Variants in STKLD1 observed in about 807,000 individuals in gnomAD.
The protein encoded by STKLD1 is serine/threonine kinase like domain containing 1, also known as serine/threonine kinase-like domain-containing protein STKLD1.
A neutral mutation model predicts 80.4 loss-of-function variants in STKLD1; 79 were observed. That is an observed-to-expected ratio of 0.98 (90% confidence interval 0.82 to 1.19). STKLD1 has a LOEUF of 1.19. Ranked by LOEUF, STKLD1 falls within the 50% of genes most tolerant of loss-of-function variation. STKLD1 has a pLI of 0.00. For synonymous variants in STKLD1, 393 were observed against 357.6 expected (o/e 1.10, Z -1.12); for missense variants, 841 against 856.0 (o/e 0.98, Z 0.22).
rs200125223 is a variant in STKLD1 at position 133,397,301 on chromosome 9, C to T, written c.997+7C>T. The T allele has an allele frequency of 3.5e-5, 57 of 1,612,808 alleles. No homozygotes were observed. The Middle Eastern group carries it at 4.9e-4, about 14-fold the overall frequency. On this transcript the variant is annotated splice_region_variant and intron_variant, in intron 10 of 17. Coordinates refer to ENST00000371957, the MANE Select transcript of STKLD1 (RefSeq NM_153710.5). ...AACGTGGCCAGCATTTTAGGTGATG[C>T]TGGGGACACAAAGGGGGAGCGTGCC...
In STKLD1 at chr9:133,405,255, A is replaced by C; in HGVS notation, c.1877A>C (p.Glu626Ala). ...MLLVHLASYEEILPELVSSSM... is the reference protein window; with the variant it reads ...MLLVHLASYEAILPELVSSSM... ...GACCTTCCTGCTCCACCTGCAGAGG[A>C]GATCCTGCCGGAGCTGGTGTCCAGT... is the stretch of plus-strand genomic sequence containing the variant. The change falls in exon 18 of 18, where the codon GAG becomes GCG. Residue 626 changes from glutamate (E) to alanine (A), a missense_variant. Glu to Ala is a moderately radical substitution (Grantham distance 107). Coordinates refer to ENST00000371957, the MANE Select transcript of STKLD1 (RefSeq NM_153710.5). The C allele has an allele frequency of 2.5e-6, 4 of 1,602,752 alleles. No individual in the cohort carries two copies. Among genetic ancestry groups the C allele is most frequent in the Non-Finnish European group, 3.4e-6 (4 of 1,174,096 alleles).
intron 1 of STKLD1, among the ~76,000 whole-genome samples, chr9:133,378,435 A>C (rs2130257613): frequency 6.6e-6 from 1 of 152,332 alleles, no homozygotes; most frequent in South Asian, 2.1e-4. Flanking sequence ...GATTTGGCTC[A>C]AATCACAGGC....
At chr9:133,397,834 C>A in intron 10 of STKLD1, 138 bp from the exon 11 acceptor site, 4 of 656,740 alleles carry the variant, frequency 6.1e-6, no homozygotes, top group Non-Finnish European at 7.8e-6. Context: ...ATGGTAACAG[C>A]CCCTCCCTCT....
At chr9:133,404,994 A>T in intron 17 of STKLD1, 65 bp downstream of exon 17, 1 of 1,577,202 alleles carries the variant, frequency 6.3e-7, no homozygotes, top group East Asian at 2.2e-5. Context: ...CGCTCCCCCT[A>T]TAACTGACAG....
intron 11 of STKLD1, among the ~76,000 whole-genome samples, chr9:133,398,846 T>G (rs1838625842): frequency 2.0e-5 from 3 of 151,646 alleles, no homozygotes; most frequent in African/African-American, 7.3e-5. Context: ...TTTTTTTGTT[T>G]TTGTTTGTTT....
rs782765690 is a variant in STKLD1, at chr9:133,400,544, A to C, written c.1198+15A>C. The stretch of plus-strand genomic sequence containing the variant: ...CCTGGGCCAAGGTGGGTGCCAAACC[A>C]GGCCAGATGGGGTCGGGGAGGCTGT... On this transcript the variant is annotated intron_variant, in intron 12 of 17. Transcript: ENST00000371957. 1.3e-6 allele frequency: 2 copies of C among 1,592,024 alleles called. No individual in the cohort carries two copies. The highest frequency in any genetic ancestry group is 2.2e-5 in the South Asian group (2 of 90,662).
At chr9:133,387,946 G>A (rs1050842282) in intron 5 of STKLD1, 4 of 430,792 alleles carry the variant, frequency 9.3e-6, no homozygotes, top group African/African-American at 8.1e-5. Flanking sequence ...CAAATCATGT[G>A]TTCATTGCTT....
At chr9:133,392,603 G>GTGGA (rs1245671424) in intron 7 of STKLD1, among the ~76,000 whole-genome samples, 13,112 of 36,084 alleles carry the variant, frequency 0.36, 2,909 homozygotes, top group East Asian at 0.56. Context: ...GGATGGATGG[G>GTGGA]TGGATGGATG....
intron 10 of STKLD1, 81 bp downstream of exon 10, chr9:133,397,375 G>T: frequency 1.3e-6 from 2 of 1,574,568 alleles, no homozygotes; most frequent in Admixed American, 1.7e-5. Context: ...AGTTCCAGAG[G>T]GTTCATTATT....
intron 17 of STKLD1, 72 bp downstream of exon 17, chr9:133,405,001 A>G: frequency 6.4e-7 from 1 of 1,568,588 alleles, no homozygotes; most frequent in Non-Finnish European, 8.6e-7. Context: ...CCTATAACTG[A>G]CAGGGAAGGA....
chr9:133,385,088 A>G lies in STKLD1; in HGVS notation c.220-529A>G, dbSNP rs1380418171. Among the ~76,000 whole-genome samples the G allele has an allele frequency of 6.6e-6, 1 of 152,194 alleles. No individual in the cohort carries two copies. Among genetic ancestry groups the G allele is most frequent in the African/African-American group, 2.4e-5 (1 of 41,440 alleles). ...CTTTTCACGTTGCCGATTCCCATCC[A>G]CAGCCCACTAGGTAGGCCACCTGCT... On this transcript the variant is annotated intron_variant, in intron 3 of 17. Coordinates refer to ENST00000371957, the MANE Select transcript of STKLD1 (RefSeq NM_153710.5). The surrounding 1 kb of genome is among the most constrained non-coding windows in gnomAD (Gnocchi z 4.9).
chr9:133,380,184 C>T lies in STKLD1; in HGVS notation c.174+1062C>T, dbSNP rs2130262817. Among the ~76,000 whole-genome samples, 12 of 152,256 alleles carry T rather than the reference C, an allele frequency of 7.9e-5. No homozygotes were observed. The East Asian group carries it at 1.4e-3, about 17-fold the overall frequency. ...CCAAGTAGCTGGGACTACAGGCACA[C>T]GCTGCCACGCCCGGCTAATTTTTTG... On this transcript the variant is annotated intron_variant, in intron 2 of 17. Coordinates refer to ENST00000371957, the MANE Select transcript of STKLD1 (RefSeq NM_153710.5).
At chr9:133,396,812 G>A (rs1838575341) in intron 9 of STKLD1, among the ~76,000 whole-genome samples, 1 of 152,118 alleles carries the variant, frequency 6.6e-6, no homozygotes, top group South Asian at 2.1e-4. Context: ...AAGGAATCCA[G>A]CCTGGGTCAT....
chr9:133,376,742 A>G (rs1432997369), intron 1 of STKLD1, among the ~76,000 whole-genome samples, 182 bp downstream of exon 1: 1 of 152,122 alleles, frequency 6.6e-6, no homozygotes, highest in Non-Finnish European at 1.5e-5. Context: ...GCCCTTTGCC[A>G]CTCAGTTTCC....
intron 1 of STKLD1, among the ~76,000 whole-genome samples, chr9:133,377,968 C>T (rs1422026561): frequency 6.6e-6 from 1 of 152,172 alleles, no homozygotes; most frequent in Non-Finnish European, 1.5e-5. Flanking sequence ...GAGCATGCAA[C>T]CTGGATCCCT....
chr9:133,403,885 C>T, intron 15 of STKLD1, 35 bp from the exon 16 acceptor site: 1 of 1,609,678 alleles, frequency 6.2e-7, no homozygotes, highest in South Asian at 1.1e-5. Context: ...CCTCATGGCA[C>T]AGCAGGCACA....
chr9:133,391,178 GA>G, intron 7 of STKLD1, among the ~76,000 whole-genome samples: 3 of 151,354 alleles, frequency 2.0e-5, no homozygotes, highest in East Asian at 3.9e-4. Flanking sequence ...CCCCGTCCGG[GA>G]GGGAGGTGGG....
Position 133,385,557 on chromosome 9 carries a change from G to A in STKLD1, c.220-60G>A, listed in dbSNP as rs1274926670. On this transcript the variant is annotated intron_variant, in intron 3 of 17. Transcript: ENST00000371957. The surrounding 1 kb of genome is among the most constrained non-coding windows in gnomAD (Gnocchi z 4.9). ...GTTGGGATGTGTGACAGAGAAGCCC[G>A]AGCTGAGAAAGGCGTGGAGAGGCAC... 5.2e-6 allele frequency: 8 copies of A among 1,542,310 alleles called. No homozygotes were observed. Among genetic ancestry groups the A allele is most frequent in the Admixed American group, 1.7e-5 (1 of 59,382 alleles).
Position 133,376,574 on chromosome 9 carries a change from C to T in STKLD1, c.87+14C>T, listed in dbSNP as rs1395940914. 6.3e-7 allele frequency: 1 copy of T among 1,577,170 alleles called. No homozygotes were observed. The highest frequency in any genetic ancestry group is 2.4e-5 in the East Asian group (1 of 41,964). On this transcript the variant is annotated intron_variant, in intron 1 of 17. Coordinates refer to ENST00000371957, the MANE Select transcript of STKLD1 (RefSeq NM_153710.5). ...GAGAAGTACCAGGTGCCGAGTGTTC[C>T]CTGCGGGGAGGCGGGAGCTCCGTGG...
Sources: gnomAD v4.1 joint callset for allele counts (sites outside exome capture counted in the v4.1 genomes callset) on GRCh38, gnomAD v4.1.1 for gene constraint, Gnocchi (gnomAD v3.1) non-coding constraint, MANE v1.5 for transcripts, NCBI Gene and HGNC (gene_info 2026-07-23, HGNC 2026-07-21) for gene names.